RALGPS2: variants seen among roughly 807,000 people sequenced by gnomAD.
The protein encoded by RALGPS2 is ras-specific guanine nucleotide-releasing factor RalGPS2.
In RALGPS2, 43 loss-of-function variants were observed where a neutral mutation model predicts 86.8. The ratio of observed to expected loss-of-function variants is 0.50; its 90% CI spans 0.39 to 0.64. The LOEUF (loss-of-function observed/expected upper bound fraction) is 0.64. Among genes scored for constraint, RALGPS2 ranks in the 30% least tolerant of loss-of-function variants. The pLI is 0.00. For missense variants in RALGPS2, 536 were observed against 694.6 expected, an observed-to-expected ratio of 0.77 and a Z score of 2.57; for synonymous variants, 243 against 231.3, an observed-to-expected ratio of 1.05 and a Z score of -0.46.
At chr1:178,894,487 G>A (rs1322378727) in intron 16 of RALGPS2, among the ~76,000 whole-genome samples, 1 of 151,932 alleles carries the variant, frequency 6.6e-6, no homozygotes, top group Non-Finnish European at 1.5e-5. Flanking sequence ...TTCACTTAAG[G>A]AAGCAGTGGG....
intron 19 of RALGPS2, among the ~76,000 whole-genome samples, chr1:178,907,978 G>T (rs1039332604): frequency 1.3e-4 from 20 of 152,100 alleles, no homozygotes; most frequent in African/African-American, 4.6e-4. Context: ...ACTTGTGCAG[G>T]TTTGTTACAT....
In RALGPS2 at chr1:178,920,784, G is replaced by T. The variant is rs369439284; in HGVS notation, c.*4425G>T. 6.6e-6 allele frequency: 1 copy of T among 152,062 alleles called. No homozygotes were observed. The allele number at this position is 152,062 out of a possible 1,614,324, so 9.4% of individuals were successfully genotyped here. On this transcript the variant is annotated 3_prime_UTR_variant, in exon 20 of 20. Transcript: ENST00000367635. The stretch of plus-strand genomic sequence containing the variant: ...GAATAAGATACAACCAGAAATATTT[G>T]AGTTTTGTTAAATGTACTGAAATCT...
chr1:178,909,742 C>G (rs1230457652), intron 19 of RALGPS2, among the ~76,000 whole-genome samples: 1 of 149,512 alleles, frequency 6.7e-6, no homozygotes, highest in Non-Finnish European at 1.5e-5. Context: ...CTCCACCTCC[C>G]GGGTTCAAGC....
At chr1:178,772,191 G>T (rs1055070461) in intron 1 of RALGPS2, among the ~76,000 whole-genome samples, 26 of 152,154 alleles carry the variant, frequency 1.7e-4, no homozygotes, top group Middle Eastern at 3.2e-3. Flanking sequence ...CACTTGGGTT[G>T]TTTTCATGCT....
chr1:178,874,768 TAAC>T (rs1467984020), intron 8 of RALGPS2, among the ~76,000 whole-genome samples: 85 of 152,298 alleles, frequency 5.6e-4, no homozygotes, highest in Non-Finnish European at 2.1e-4. Context: ...TGTTGTTTGA[TAAC>T]AACAAGTGTC....
chr1:178,914,048 TG>T (rs1208732473), intron 19 of RALGPS2, among the ~76,000 whole-genome samples: 1 of 152,094 alleles, frequency 6.6e-6, no homozygotes, highest in Non-Finnish European at 1.5e-5. Flanking sequence ...CCTGCTCCCA[TG>T]GGAGTGGCCA....
chr1:178,861,809 C>A (rs941446764), intron 8 of RALGPS2, among the ~76,000 whole-genome samples: 1 of 152,128 alleles, frequency 6.6e-6, no homozygotes, highest in African/African-American at 2.4e-5. Context: ...TTTCTATACC[C>A]AGTGGGTCAC....
At chr1:178,815,145 A>G (rs572140432) in intron 6 of RALGPS2, among the ~76,000 whole-genome samples, 1 of 152,074 alleles carries the variant, frequency 6.6e-6, no homozygotes, top group African/African-American at 2.4e-5. Flanking sequence ...CAGTGGTGCA[A>G]TCTTGGTTCA....
In RALGPS2 at chr1:178,921,141, C is replaced by G. The variant is rs1647282599; in HGVS notation, c.*4782C>G. On this transcript the variant is annotated 3_prime_UTR_variant, in exon 20 of 20. Transcript: ENST00000367635. ...CAGAGTAGGCAAGTAGTCATTCAAG[C>G]CAAATGAAAGAGTTAACTGGTCCTT... 6.6e-6 allele frequency: 1 copy of G among 151,784 alleles called. No individual in the cohort carries two copies. The highest frequency in any genetic ancestry group is 2.4e-5 in the African/African-American group (1 of 41,344). The allele number at this position is 151,784 out of a possible 1,614,324, so 9.4% of individuals were successfully genotyped here. A position where few individuals can be genotyped will look rare whatever the true frequency, so the allele number is the denominator to read the frequency against.
chr1:178,864,424 C>T (rs962167431), intron 8 of RALGPS2, among the ~76,000 whole-genome samples: 2 of 152,006 alleles, frequency 1.3e-5, no homozygotes, highest in African/African-American at 4.8e-5. Context: ...TAAGAAAGAA[C>T]AAAACCCAGG....
chr1:178,855,296 C>CT lies in RALGPS2; in HGVS notation c.607+21763dup, dbSNP rs71677302. On this transcript the variant is annotated intron_variant, in intron 8 of 19. Transcript: ENST00000367635. ...GTAGATTGTTCCGTGAGGACAGAGACTTTTTTTTTTTTTTTTTACTTCATA... is the reference window on the plus strand; with the variant it reads ...GTAGATTGTTCCGTGAGGACAGAGACTTTTTTTTTTTTTTTTTTACTTCATA... 2.7e-3 allele frequency among the ~76,000 whole-genome samples: 363 copies of CT among 135,916 alleles called. 2 individuals carry two copies. Among genetic ancestry groups the CT allele is most frequent in the East Asian group, 0.017 (81 of 4,742 alleles). The allele number at this position is 135,916 out of a possible 152,430, so 89.2% of individuals were successfully genotyped here.
chr1:178,732,085 C>A (rs1365265786), intron 1 of RALGPS2, among the ~76,000 whole-genome samples: 1 of 151,662 alleles, frequency 6.6e-6, no homozygotes, highest in Non-Finnish European at 1.5e-5. Context: ...ATGAGTGTTT[C>A]AATTTACCTT....
At chr1:178,848,533 T>G (rs1656979763) in intron 8 of RALGPS2, among the ~76,000 whole-genome samples, 1 of 152,204 alleles carries the variant, frequency 6.6e-6, no homozygotes, top group Non-Finnish European at 1.5e-5. Context: ...TCTTCTTGCC[T>G]TAAGTTTTCT....
At chr1:178,746,589 G>T in intron 1 of RALGPS2, 1 of 704,946 alleles carries the variant, frequency 1.4e-6, no homozygotes. Context: ...GGGTTAGCGA[G>T]CCTCACTTAA....
intron 1 of RALGPS2, among the ~76,000 whole-genome samples, chr1:178,740,801 A>G (rs1356486255): frequency 3.3e-5 from 5 of 152,122 alleles, no homozygotes; most frequent in African/African-American, 1.2e-4. Context: ...CCCCCAGGAA[A>G]GATTGTAGGC....
At chr1:178,725,531 C>T (rs930234611) in intron 1 of RALGPS2, 112 bp downstream of exon 1, 3 of 152,616 alleles carry the variant, frequency 2.0e-5, no homozygotes, top group African/African-American at 7.3e-5. Context: ...CGGAGTGTGG[C>T]TCTCCCGGCC....
chr1:178,742,717 G>A (rs1651102713), intron 1 of RALGPS2, among the ~76,000 whole-genome samples: 1 of 152,138 alleles, frequency 6.6e-6, no homozygotes, highest in Non-Finnish European at 1.5e-5. Flanking sequence ...CCACAAAAAA[G>A]TCTCAATAAT....
intron 7 of RALGPS2, among the ~76,000 whole-genome samples, chr1:178,829,099 A>G (rs1248726048): frequency 2.6e-5 from 4 of 152,250 alleles, no homozygotes. Context: ...TTACATTTAC[A>G]ACAGCATGGA....
At chr1:178,874,848 C>T (rs1558165574) in intron 8 of RALGPS2, among the ~76,000 whole-genome samples, 1 of 152,160 alleles carries the variant, frequency 6.6e-6, no homozygotes, top group Non-Finnish European at 1.5e-5. Context: ...TCTCAAACTC[C>T]TAAGCAGTCT....
Sources: allele counts gnomAD v4.1 joint callset (sites outside exome capture counted in the v4.1 genomes callset), GRCh38; gene constraint gnomAD v4.1.1; transcripts MANE v1.5; gene names NCBI Gene and HGNC (gene_info 2026-07-23, HGNC 2026-07-21).